Variants in APBB3 observed in about 807,000 individuals in gnomAD.
APBB3 encodes amyloid beta precursor protein binding family B member 3.
A neutral mutation model predicts 61.5 loss-of-function variants in APBB3; 50 were observed. That is an observed-to-expected ratio of 0.81 (90% CI 0.65 to 1.03). The LOEUF is 1.03. APBB3 is among the 50% of genes least tolerant of loss of function. The pLI is 0.00. For missense variants in APBB3, 550 were observed against 637.4 expected (o/e 0.86, Z 1.48); for synonymous variants, 235 against 233.0 (o/e 1.01, Z -0.08).
rs1237554327 is a variant in APBB3 at position 140,558,371 on chromosome 5, C to T, written c.*214G>A. On this transcript the variant is annotated 3_prime_UTR_variant, in exon 13 of 13. Coordinates refer to ENST00000357560, the MANE Select transcript of APBB3 (RefSeq NM_133173.3). ...GACAGGGGCAAGGAACACAAGGACC[C>T]AAGGAAAGGGGAGCCAGGGTCCTAC... The T allele has an allele frequency of 4.5e-6, 3 of 661,048 alleles. No homozygotes were observed. Among genetic ancestry groups the T allele is most frequent in the East Asian group, 5.2e-5 (2 of 38,726 alleles). 40.9% of individuals were successfully genotyped at this position (661,048 alleles called of 1,614,324 possible).
rs539231641 is a variant in APBB3 at position 140,558,367 on chromosome 5, G to A, written c.*218C>T. ...GTTGGACAGGGGCAAGGAACACAAG[G>A]ACCCAAGGAAAGGGGAGCCAGGGTC... On this transcript the variant is annotated 3_prime_UTR_variant, in exon 13 of 13. Transcript: ENST00000357560. 3.1e-6 allele frequency: 2 copies of A among 654,600 alleles called. No homozygotes were observed. Among genetic ancestry groups the A allele is most frequent in the Admixed American group, 2.6e-5 (1 of 38,012 alleles). 40.5% of individuals were successfully genotyped at this position (654,600 alleles called of 1,614,324 possible). A position where few individuals can be genotyped will look rare whatever the true frequency, so the allele number is the denominator to read the frequency against.
Position 140,564,281 on chromosome 5 carries a change from G to C in APBB3, c.-36C>G. The C allele has an allele frequency of 6.2e-7, 1 of 1,602,880 alleles. No individual in the cohort carries two copies. Among genetic ancestry groups the C allele is most frequent in the Non-Finnish European group, 8.5e-7 (1 of 1,179,162 alleles). ...GCTCCCCGCCAGCCTCTGCCGGCCC[G>C]CACTCTCAGCCCAGCGCGACCTCTG... On this transcript the variant is annotated 5_prime_UTR_variant, in exon 1 of 13. Coordinates refer to ENST00000357560, the MANE Select transcript of APBB3 (RefSeq NM_133173.3). The surrounding 1 kb of genome is among the most constrained non-coding windows in gnomAD (Gnocchi z 5.0).
Position 140,563,678 on chromosome 5 carries a change from G to C in APBB3, c.214-8C>G. ...CCAGATCCCCTCCGTTCCCTGTAGAGTGGGAGTTAGTCAGTTTAACAGCAG... is the reference window on the plus strand; with the variant it reads ...CCAGATCCCCTCCGTTCCCTGTAGACTGGGAGTTAGTCAGTTTAACAGCAG... On this transcript the variant is annotated splice_region_variant and splice_polypyrimidine_tract_variant and intron_variant, in intron 2 of 12. Coordinates refer to ENST00000357560, the MANE Select transcript of APBB3 (RefSeq NM_133173.3). 1 of 1,614,168 alleles carries C rather than the reference G, an allele frequency of 6.2e-7. No homozygotes were observed. Among genetic ancestry groups the C allele is most frequent in the South Asian group, 1.1e-5 (1 of 91,082 alleles).
rs372190183 is a variant in APBB3 at position 140,560,619 on chromosome 5, A to C, written c.1032+20T>G. The C allele has an allele frequency of 1.9e-6, 3 of 1,613,136 alleles. No homozygotes were observed. Among genetic ancestry groups the C allele is most frequent in the East Asian group, 4.5e-5 (2 of 44,844 alleles). On this transcript the variant is annotated intron_variant, in intron 11 of 12. Coordinates refer to ENST00000357560, the MANE Select transcript of APBB3 (RefSeq NM_133173.3). This position sits in a 1 kb window ranked among gnomAD's most constrained non-coding sequence, Gnocchi z 5.1. ...CCTGCTCACCCCTCCAAAGCCCCCA[A>C]CTTCACCCTCTTCTGGTACCTGAAT...
chr5:140,562,273 C>T (rs1270136121), intron 5 of APBB3, 46 bp from the exon 6 acceptor site: 2 of 1,611,788 alleles, frequency 1.2e-6, no homozygotes, highest in African/African-American at 1.3e-5. Flanking sequence ...AAGGTCATTG[C>T]CATGAGAAAT....
chr5:140,564,133 G>A lies in APBB3; in HGVS notation c.49+64C>T. On this transcript the variant is annotated intron_variant, in intron 1 of 12. Coordinates refer to ENST00000357560, the MANE Select transcript of APBB3 (RefSeq NM_133173.3). The surrounding 1 kb of genome is among the most constrained non-coding windows in gnomAD (Gnocchi z 5.0). ...CCCACCGTCTTTGAGCCCCAGAGTA[G>A]CCTTTCGGATTCCCTCGTCCTCCCT... 1.2e-6 allele frequency: 2 copies of A among 1,607,284 alleles called. No individual in the cohort carries two copies. The highest frequency in any genetic ancestry group is 2.2e-5 in the East Asian group (1 of 44,818).
At chr5:140,561,902 C>G in intron 6 of APBB3, 53 bp from the exon 7 acceptor site, 1 of 1,613,274 alleles carries the variant, frequency 6.2e-7, no homozygotes, top group South Asian at 1.1e-5. Context: ...GCCTCTCGGA[C>G]TCTCCCCAAA....
rs371380572 is a variant in APBB3, at chr5:140,560,774, G to T, written c.917-20C>A. 12 of 1,599,802 alleles carry T rather than the reference G, an allele frequency of 7.5e-6. No individual in the cohort carries two copies. The highest frequency in any genetic ancestry group is 1.7e-5 in the Admixed American group (1 of 59,890). Reference sequence around the variant, plus strand: ...CCATGCCTGGGGGAACATACCCAGCGTGTCTCCCAGTGTAAAAGAAAGAGT... The same window carrying T: ...CCATGCCTGGGGGAACATACCCAGCTTGTCTCCCAGTGTAAAAGAAAGAGT... On this transcript the variant is annotated intron_variant, in intron 10 of 12. Transcript: ENST00000357560. This position sits in a 1 kb window ranked among gnomAD's most constrained non-coding sequence, Gnocchi z 5.1.
Position 140,560,971 on chromosome 5 carries a change from C to A in APBB3, c.916+47G>T. On this transcript the variant is annotated intron_variant, in intron 10 of 12. Coordinates refer to ENST00000357560, the MANE Select transcript of APBB3 (RefSeq NM_133173.3). The surrounding 1 kb of genome is among the most constrained non-coding windows in gnomAD (Gnocchi z 5.1). Reference sequence around the variant, plus strand: ...TAACAGGCCTCACCTCACTCACCTTCCCCTTGCCTCACACAGCCCACCACA... The same window carrying A: ...TAACAGGCCTCACCTCACTCACCTTACCCTTGCCTCACACAGCCCACCACA... 6.3e-7 allele frequency: 1 copy of A among 1,593,420 alleles called. No individual in the cohort carries two copies. Among genetic ancestry groups the A allele is most frequent in the South Asian group, 1.1e-5 (1 of 90,526 alleles).
In APBB3 at chr5:140,559,560, G is replaced by A. The variant is rs191576943; in HGVS notation, c.1225-739C>T. Among the ~76,000 whole-genome samples the A allele has an allele frequency of 1.3e-3, 205 of 151,976 alleles. 2 individuals are homozygous for A. The highest frequency in any genetic ancestry group is 7.7e-4 in the East Asian group (4 of 5,180). ...TCTCTCTGATCTCACCTCTCACTAC[G>A]TCCCCCTTGCATGCCAGATACACTA... On this transcript the variant is annotated intron_variant, in intron 12 of 12. Transcript: ENST00000357560.
Position 140,562,452 on chromosome 5 carries a change from G to A in APBB3, c.399C>T (p.Asp133=), listed in dbSNP as rs745701428. The change falls in exon 5 of 13, where the codon GAC becomes GAT. Residue 133 remains aspartate (D), a synonymous_variant. Transcript: ENST00000357560. ...CAATACTGCTCTTCCCCGGTGCCAG[G>A]TCCTCTTCAGGTACCTCTACCCAGC... is the stretch of plus-strand genomic sequence containing the variant. ...SLGWVEVPEE[D]LAPGKSSIAV... 2.5e-6 allele frequency: 4 copies of A among 1,614,168 alleles called. No homozygotes were observed. Among genetic ancestry groups the A allele is most frequent in the Non-Finnish European group, 3.4e-6 (4 of 1,180,030 alleles).
intron 5 of APBB3, 37 bp downstream of exon 5, chr5:140,562,316 C>T: frequency 6.2e-7 from 1 of 1,612,256 alleles, no homozygotes; most frequent in Non-Finnish European, 8.5e-7. Flanking sequence ...TCTGCTGGGC[C>T]CTGGGCCCAA....
At position 140,564,256 on chromosome 5, in the gene APBB3, G is replaced by C. The variant is rs1755109919; in HGVS notation, c.-11C>G. On this transcript the variant is annotated 5_prime_UTR_variant, in exon 1 of 13. Transcript: ENST00000357560. This position sits in a 1 kb window ranked among gnomAD's most constrained non-coding sequence, Gnocchi z 5.0. The stretch of plus-strand genomic sequence containing the variant: ...ATCCTTGCCCAGCATAACCCCGGCT[G>C]CTCCCCGCCAGCCTCTGCCGGCCCG... 1 of 1,608,138 alleles carries C rather than the reference G, an allele frequency of 6.2e-7. No homozygotes were observed. Among genetic ancestry groups the C allele is most frequent in the South Asian group, 1.1e-5 (1 of 91,064 alleles).
At position 140,561,576 on chromosome 5, in the gene APBB3, CT is replaced by C. The variant is rs1561871750; in HGVS notation, c.747+10del. Reference sequence around the variant, plus strand: ...CTTACCCACATTCCCTGCCCCACCCCTGACACTTACCTGGGCACAAAGCCCA... The same window carrying C: ...CTTACCCACATTCCCTGCCCCACCCCGACACTTACCTGGGCACAAAGCCCA... On this transcript the variant is annotated intron_variant, in intron 8 of 12. Coordinates refer to ENST00000357560, the MANE Select transcript of APBB3 (RefSeq NM_133173.3). 1.9e-6 allele frequency: 3 copies of C among 1,614,192 alleles called. No homozygotes were observed. The highest frequency in any genetic ancestry group is 1.7e-6 in the Non-Finnish European group (2 of 1,180,012).
Position 140,560,898 on chromosome 5 carries a change from G to C in APBB3, c.916+120C>G. ...TTAGAATTCTGATTTGGGAAGGCTG[G>C]TAGACCCCAGGCCATAACAAGGCCA... On this transcript the variant is annotated intron_variant, in intron 10 of 12. Coordinates refer to ENST00000357560, the MANE Select transcript of APBB3 (RefSeq NM_133173.3). The surrounding 1 kb of genome is among the most constrained non-coding windows in gnomAD (Gnocchi z 5.1). 7.2e-7 allele frequency: 1 copy of C among 1,383,794 alleles called. No homozygotes were observed. Among genetic ancestry groups the C allele is most frequent in the East Asian group, 2.3e-5 (1 of 43,464 alleles). The allele number at this position is 1,383,794 out of a possible 1,614,324, so 85.7% of individuals were successfully genotyped here.
Position 140,560,931 on chromosome 5 carries a change from A to G in APBB3, c.916+87T>C. ...CAGGCCATAACAAGGCCACGGGAGG[A>G]CTCTTGAGAAATGATAACAGGCCTC... On this transcript the variant is annotated intron_variant, in intron 10 of 12. Coordinates refer to ENST00000357560, the MANE Select transcript of APBB3 (RefSeq NM_133173.3). The surrounding 1 kb of genome is among the most constrained non-coding windows in gnomAD (Gnocchi z 5.1). 6.8e-7 allele frequency: 1 copy of G among 1,480,924 alleles called. No homozygotes were observed. The highest frequency in any genetic ancestry group is 9.3e-7 in the Non-Finnish European group (1 of 1,077,478). 91.7% of individuals were successfully genotyped at this position (1,480,924 alleles called of 1,614,324 possible). A position where few individuals can be genotyped will look rare whatever the true frequency, so the allele number is the denominator to read the frequency against.
rs907980946 is a variant in APBB3, at chr5:140,562,705, A to G, written c.309T>C (p.Tyr103=). 4 of 1,614,068 alleles carry G rather than the reference A, an allele frequency of 2.5e-6. No individual in the cohort carries two copies. The highest frequency in any genetic ancestry group is 2.2e-5 in the East Asian group (1 of 44,900). The change falls in exon 4 of 13, where the codon TAT becomes TAC. Residue 103 remains tyrosine, a synonymous_variant. Coordinates refer to ENST00000357560, the MANE Select transcript of APBB3 (RefSeq NM_133173.3). ...TGCTCTGGATGTAGGATTCCCCACCATACCAGGACAGAGAGTTACTGAAAC... is the reference window on the plus strand; with the variant it reads ...TGCTCTGGATGTAGGATTCCCCACCGTACCAGGACAGAGAGTTACTGAAAC... ...SLDRSNSLSW[Y]GGESYIQSME...
chr5:140,564,299 G>A lies in APBB3; in HGVS notation c.-54C>T, dbSNP rs953967255. On this transcript the variant is annotated 5_prime_UTR_variant, in exon 1 of 13. Coordinates refer to ENST00000357560, the MANE Select transcript of APBB3 (RefSeq NM_133173.3). The surrounding 1 kb of genome is among the most constrained non-coding windows in gnomAD (Gnocchi z 5.0). ...CCGGCCCGCACTCTCAGCCCAGCGC[G>A]ACCTCTGGAGCTACTGCGCCTGCAA... 3 of 1,594,838 alleles carry A rather than the reference G, an allele frequency of 1.9e-6. No individual in the cohort carries two copies. Among genetic ancestry groups the A allele is most frequent in the African/African-American group, 2.7e-5 (2 of 74,886 alleles).
At chr5:140,563,419 G>A (rs1755057234) in intron 3 of APBB3, 175 bp downstream of exon 3, 6 of 704,764 alleles carry the variant, frequency 8.5e-6, no homozygotes, top group South Asian at 1.6e-5. Context: ...TTAGAACAAG[G>A]GATAAAACTC....
Sources: allele counts gnomAD v4.1 joint callset (sites outside exome capture counted in the v4.1 genomes callset), GRCh38; gene constraint gnomAD v4.1.1; non-coding constraint Gnocchi (gnomAD v3.1); transcripts MANE v1.5; gene names NCBI Gene and HGNC (gene_info 2026-07-23, HGNC 2026-07-21).